The following B4GALNT2 variants were observed in gnomAD, a reference collection of about 807,000 sequenced individuals.
B4GALNT2 encodes N-acetylneuraminylgalactosylglucosyl-glucoside beta-1,4-N- acetylgalactosaminyltransferase 2.
Under a neutral mutation model 51.1 loss-of-function variants are expected in B4GALNT2, and 42 were observed. The observed-to-expected ratio is 0.82, with a 90% CI of 0.64 to 1.06. The LOEUF (loss-of-function observed/expected upper bound fraction) is 1.06, where lower values mean the gene tolerates loss of function less well. B4GALNT2 is among the 50% of genes least tolerant of loss of function. B4GALNT2 has a pLI of 0.00. For missense variants in B4GALNT2, 602 were observed against 633.6 expected, an observed-to-expected ratio of 0.95 and a Z score of 0.54; for synonymous variants, 253 against 251.7, an observed-to-expected ratio of 1.01 and a Z score of -0.05.
chr17:49,131,483 A>T (rs1250549124), upstream of B4GALNT2, among the ~76,000 whole-genome samples: 1 of 116,822 alleles, frequency 8.6e-6, no homozygotes, highest in African/African-American at 3.2e-5. Context: ...AAAAAAAAAA[A>T]AAAAGCACTG....
intron 5 of B4GALNT2, among the ~76,000 whole-genome samples, chr17:49,157,424 G>A (rs779637599): frequency 1.3e-4 from 19 of 151,824 alleles, no homozygotes; most frequent in Non-Finnish European, 1.9e-4. Flanking sequence ...GAGTTCAATC[G>A]AGTCTCCTGC....
At chr17:49,143,399 T>C (rs763933988) in intron 3 of B4GALNT2, among the ~76,000 whole-genome samples, 4 of 152,156 alleles carry the variant, frequency 2.6e-5, no homozygotes, top group Non-Finnish European at 4.4e-5. Flanking sequence ...ACCAAATCCA[T>C]AGGTGGTAGG....
Position 49,168,819 on chromosome 17 carries a change from G to T in B4GALNT2, c.1234G>T (p.Val412Leu). ...GFPSCVVTSG[V>L]VNFFLAHTER... ...CCCCAGCTGCGTGGTGACCAGTGGC[G>T]TGGTCAACTTCTTCCTGGCCCACAC... is the stretch of plus-strand genomic sequence containing the variant. Residue 412 changes from valine to leucine, a missense_variant, in exon 10 of 11, where the codon GTG becomes TTG. Val to Leu is a conservative substitution (Grantham distance 32, BLOSUM62 1). Transcript: ENST00000393354. 6.2e-7 allele frequency: 1 copy of T among 1,613,900 alleles called. No individual in the cohort carries two copies. Among genetic ancestry groups the T allele is most frequent in the South Asian group, 1.1e-5 (1 of 91,068 alleles).
rs1284841883 is a variant in B4GALNT2, at chr17:49,172,683, C to T, written c.*2955C>T. 1 of 152,856 alleles carries T rather than the reference C, an allele frequency of 6.5e-6. No homozygotes were observed. Among genetic ancestry groups the T allele is most frequent in the Non-Finnish European group, 1.5e-5 (1 of 68,012 alleles). The allele number at this position is 152,856 out of a possible 1,614,324, so 9.5% of individuals were successfully genotyped here. ...ATATTCCATATAGAGAAAAATGTAG[C>T]TAGAGCTTGGCTAGTACAGCCTGGG... On this transcript the variant is annotated 3_prime_UTR_variant, in exon 11 of 11. Coordinates refer to ENST00000393354, the MANE Select transcript of B4GALNT2 (RefSeq NM_001159387.2).
chr17:49,126,685 C>T, the B4GALNT2 span, among the ~76,000 whole-genome samples: 1 of 126,302 alleles, frequency 7.9e-6, no homozygotes, highest in African/African-American at 3.1e-5. Context: ...CAGTCTTGCT[C>T]TGTCACCCCA....
intron 1 of B4GALNT2, among the ~76,000 whole-genome samples, 159 bp from the exon 2 acceptor site, chr17:49,141,088 A>G (rs1169456587): frequency 1.3e-5 from 2 of 151,078 alleles, no homozygotes; most frequent in Non-Finnish European, 2.9e-5. Context: ...CCTTTGTTGC[A>G]ACTTGATTCT....
At chr17:49,163,265 G>C (rs941579681) in intron 7 of B4GALNT2, among the ~76,000 whole-genome samples, 2 of 152,308 alleles carry the variant, frequency 1.3e-5, no homozygotes, top group African/African-American at 4.8e-5. Flanking sequence ...TCCAGGCCTT[G>C]TGATCTCCAA....
At chr17:49,127,973 T>A (rs1349918407), upstream of B4GALNT2, among the ~76,000 whole-genome samples, 2 of 152,146 alleles carry the variant, frequency 1.3e-5, no homozygotes, top group Non-Finnish European at 2.9e-5. Flanking sequence ...AAAATAAGAT[T>A]TATGAAGAGA....
intron 6 of B4GALNT2, among the ~76,000 whole-genome samples, 155 bp downstream of exon 6, chr17:49,159,372 C>T (rs1973781): frequency 0.011 from 1,644 of 152,190 alleles, 39 homozygotes; most frequent in African/African-American, 0.037. Flanking sequence ...GACGGAGTCT[C>T]ACTCTGTCAC....
intron 3 of B4GALNT2, among the ~76,000 whole-genome samples, 176 bp downstream of exon 3, chr17:49,142,348 G>T (rs772392668): frequency 3.7e-4 from 56 of 152,128 alleles, no homozygotes; most frequent in Non-Finnish European, 6.2e-4. Flanking sequence ...ATCCTTAAAT[G>T]AAGATTTACA....
chr17:49,156,604 G>T lies in B4GALNT2; in HGVS notation c.498+1G>T. On this transcript the variant is annotated splice_donor_variant, in intron 5 of 10. Transcript: ENST00000393354. LOFTEE classifies it high-confidence loss of function. ...AGGACCCGATGCCCCCGTCTATGAGGTGAGTCCTTCTCCCAGCCCCTCTTT... is the reference window on the plus strand; with the variant it reads ...AGGACCCGATGCCCCCGTCTATGAGTTGAGTCCTTCTCCCAGCCCCTCTTT... 1 of 1,613,674 alleles carries T rather than the reference G, an allele frequency of 6.2e-7. No individual in the cohort carries two copies. Among genetic ancestry groups the T allele is most frequent in the Non-Finnish European group, 8.5e-7 (1 of 1,179,854 alleles).
intron 3 of B4GALNT2, among the ~76,000 whole-genome samples, chr17:49,152,067 G>T (rs927600372): frequency 7.2e-5 from 11 of 151,726 alleles, no homozygotes; most frequent in African/African-American, 2.7e-4. Flanking sequence ...GCTGGTCATG[G>T]TTTTTTTTAA....
intron 7 of B4GALNT2, among the ~76,000 whole-genome samples, chr17:49,162,123 G>A (rs1346870818): frequency 6.6e-6 from 1 of 151,652 alleles, no homozygotes; most frequent in African/African-American, 2.4e-5. Flanking sequence ...AAGTAGCTGG[G>A]ACTACAGGCG....
At chr17:49,143,858 A>C (rs1045299573) in intron 3 of B4GALNT2, among the ~76,000 whole-genome samples, 4 of 152,138 alleles carry the variant, frequency 2.6e-5, no homozygotes, top group African/African-American at 9.7e-5. Context: ...TAAAACTACC[A>C]GTCCCTTGGT....
intron 7 of B4GALNT2, among the ~76,000 whole-genome samples, chr17:49,163,571 C>T (rs2042883036): frequency 1.3e-5 from 2 of 152,032 alleles, no homozygotes. Context: ...GCCTGGCCAA[C>T]ATAGTGAAAC....
chr17:49,145,597 G>GA (rs1212467081), intron 3 of B4GALNT2, among the ~76,000 whole-genome samples: 1 of 152,026 alleles, frequency 6.6e-6, no homozygotes, highest in Non-Finnish European at 1.5e-5. Flanking sequence ...AGCAGGTAAT[G>GA]TTTTTTTTCC....
intron 4 of B4GALNT2, 78 bp downstream of exon 4, chr17:49,152,984 C>A: frequency 2.3e-6 from 3 of 1,306,216 alleles, no homozygotes; most frequent in African/African-American, 1.5e-5. Context: ...AGGTCGGGTG[C>A]AGTGGCTCAT....
intron 7 of B4GALNT2, among the ~76,000 whole-genome samples, chr17:49,161,043 G>A (rs2042859464): frequency 6.6e-6 from 1 of 152,136 alleles, no homozygotes; most frequent in South Asian, 2.1e-4. Flanking sequence ...GGGAGGCCTA[G>A]GTGGGCAGAT....
chr17:49,132,872 CT>C, intron 1 of B4GALNT2, 66 bp downstream of exon 1: 1 of 1,368,836 alleles, frequency 7.3e-7, no homozygotes, highest in Non-Finnish European at 9.4e-7. Flanking sequence ...GCCGCGGGTC[CT>C]TTCTGGCGTC....
Sources: gnomAD v4.1 joint callset for allele counts (sites outside exome capture counted in the v4.1 genomes callset) on GRCh38, gnomAD v4.1.1 for gene constraint, MANE v1.5 for transcripts, NCBI Gene and HGNC (gene_info 2026-07-23, HGNC 2026-07-21) for gene names.